SEMA4D: variants seen among roughly 807,000 people sequenced by gnomAD.
SEMA4D encodes the protein semaphorin 4D.
SEMA4D carries 22 observed loss-of-function variants against 74.8 expected under a neutral mutation model. That is an observed-to-expected ratio of 0.29 (90% CI 0.21 to 0.42). The LOEUF (loss-of-function observed/expected upper bound fraction) is 0.42, where lower values mean the gene tolerates loss of function less well. Among genes scored for constraint, SEMA4D ranks in the 10% least tolerant of loss-of-function variants. The pLI is 1.00. For synonymous variants in SEMA4D, 445 were observed against 463.7 expected (o/e 0.96, Z 0.52); for missense variants, 937 against 1,118.4 (o/e 0.84, Z 2.31).
chr9:89,494,800 A>C (rs1287036077), intron 1 of SEMA4D, among the ~76,000 whole-genome samples: 1 of 151,974 alleles, frequency 6.6e-6, no homozygotes, highest in African/African-American at 2.4e-5. Context: ...CCCACCCCAC[A>C]CTAATCTGAG....
intron 2 of SEMA4D, among the ~76,000 whole-genome samples, chr9:89,435,399 G>A (rs976857049): frequency 3.9e-5 from 6 of 152,090 alleles, no homozygotes; most frequent in East Asian, 1.9e-4. Flanking sequence ...ATTCTAGTCC[G>A]AGGACTGGCC....
At position 89,450,659 on chromosome 9, in the gene SEMA4D, G is replaced by GAAAAAAA. The variant is rs1564832883; in HGVS notation, c.-244+5228_-244+5229insTTTTTTT. The GAAAAAAA allele has an allele frequency of 2.7e-3, 1,154 of 420,570 alleles. 256 individuals carry two copies. Among genetic ancestry groups the GAAAAAAA allele is most frequent in the South Asian group, 5.2e-3 (207 of 40,058 alleles). The allele number at this position is 420,570 out of a possible 1,614,324, so 26.1% of individuals were successfully genotyped here. A position where few individuals can be genotyped will look rare whatever the true frequency, so the allele number is the denominator to read the frequency against. On this transcript the variant is annotated intron_variant, in intron 2 of 15. Coordinates refer to ENST00000422704, the MANE Select transcript of SEMA4D (RefSeq NM_001371194.2). ...AGAGTTCTGCAAGTCGAAAAACCCA[G>GAAAAAAA]GAAAAAAAAAAAAAAAAAAAAAAAA...
intron 16 of SEMA4D, among the ~76,000 whole-genome samples, chr9:89,370,545 AG>A (rs1834419407): frequency 7.5e-6 from 1 of 134,102 alleles, no homozygotes; most frequent in Non-Finnish European, 1.6e-5. Flanking sequence ...ATGTGGTGTG[AG>A]GGGGTGTGGT....
intron 1 of SEMA4D, among the ~76,000 whole-genome samples, chr9:89,462,965 C>CGAGGGGAGGGGAGCGAGCGAGGG: frequency 3.7e-5 from 1 of 26,764 alleles, no homozygotes; most frequent in East Asian, 5.2e-4. Context: ...GGGGAGCGAG[C>CGAGGGGAGGGGAGCGAGCGAGGG]GAGGGGAGGG....
intron 2 of SEMA4D, among the ~76,000 whole-genome samples, chr9:89,434,146 C>T (rs1055805835): frequency 2.0e-5 from 3 of 152,210 alleles, no homozygotes; most frequent in East Asian, 3.9e-4. Context: ...ACCTCAGCCC[C>T]GGAGCAGCAG....
At chr9:89,411,251 G>T (rs935007702) in intron 2 of SEMA4D, among the ~76,000 whole-genome samples, 2 of 152,216 alleles carry the variant, frequency 1.3e-5, no homozygotes, top group East Asian at 1.9e-4. Flanking sequence ...ATTAGAAAAT[G>T]AAGTTATTAA....
At chr9:89,427,996 C>A (rs1848463238) in intron 2 of SEMA4D, among the ~76,000 whole-genome samples, 1 of 152,224 alleles carries the variant, frequency 6.6e-6, no homozygotes, top group South Asian at 2.1e-4. Context: ...ACTAGGGTGA[C>A]CACCTGTGGA....
intron 2 of SEMA4D, chr9:89,418,074 G>A: frequency 1.0e-6 from 1 of 984,816 alleles, no homozygotes; most frequent in Non-Finnish European, 1.2e-6. Context: ...TATGCCTCTT[G>A]AAACTTTCCA....
At chr9:89,485,292 A>G (rs1477641233) in intron 1 of SEMA4D, among the ~76,000 whole-genome samples, 1 of 152,220 alleles carries the variant, frequency 6.6e-6, no homozygotes, top group East Asian at 1.9e-4. Flanking sequence ...AGATTTTCAA[A>G]GAGTGACCAA....
chr9:89,456,661 A>G (rs913829371), intron 1 of SEMA4D, among the ~76,000 whole-genome samples: 8 of 152,038 alleles, frequency 5.3e-5, no homozygotes, highest in Admixed American at 3.3e-4. Flanking sequence ...GCTCACTGTA[A>G]CCTCCACCTC....
At chr9:89,447,828 T>C (rs1011742474) in intron 2 of SEMA4D, among the ~76,000 whole-genome samples, 1 of 151,460 alleles carries the variant, frequency 6.6e-6, no homozygotes, top group Non-Finnish European at 1.5e-5. Context: ...GACTTGCTCC[T>C]ATCTGTCTCA....
intron 1 of SEMA4D, among the ~76,000 whole-genome samples, chr9:89,481,588 G>T (rs1824694712): frequency 6.6e-6 from 1 of 152,246 alleles, no homozygotes. Context: ...ACCCGTGGCG[G>T]ATATAAATGT....
At chr9:89,464,778 G>T (rs1419367603) in intron 1 of SEMA4D, among the ~76,000 whole-genome samples, 1 of 151,972 alleles carries the variant, frequency 6.6e-6, no homozygotes, top group African/African-American at 2.4e-5. Context: ...GGTTGCAGGG[G>T]TCCCCCGCCT....
chr9:89,397,441 G>GGGT (rs1197391245), intron 5 of SEMA4D, among the ~76,000 whole-genome samples: 18 of 152,210 alleles, frequency 1.2e-4, no homozygotes, highest in African/African-American at 4.3e-4. Flanking sequence ...TCCCAGTCCA[G>GGGT]CCCCCATGGG....
intron 1 of SEMA4D, 57 bp downstream of exon 1, chr9:89,497,862 C>G (rs1347836417): frequency 6.6e-6 from 1 of 151,444 alleles, no homozygotes; most frequent in Non-Finnish European, 1.5e-5. Context: ...CAGGCCGCCC[C>G]CAGCGCACCT....
In SEMA4D at chr9:89,405,556, A is replaced by G. The variant is rs1267932280; in HGVS notation, c.-100T>C. 3 of 1,531,932 alleles carry G rather than the reference A, an allele frequency of 2.0e-6. No homozygotes were observed. Among genetic ancestry groups the G allele is most frequent in the Admixed American group, 1.9e-5 (1 of 51,692 alleles). 94.9% of individuals were successfully genotyped at this position (1,531,932 alleles called of 1,614,324 possible). ...AGATGCGGCTCAGCGCCCCAGGACC[A>G]GGGCCAGCAGCACAGCCTGGAGCTC... On this transcript the variant is annotated 5_prime_UTR_variant, in exon 3 of 16. Coordinates refer to ENST00000422704, the MANE Select transcript of SEMA4D (RefSeq NM_001371194.2).
chr9:89,403,364 G>A (rs1407529125), intron 3 of SEMA4D, among the ~76,000 whole-genome samples: 4 of 152,192 alleles, frequency 2.6e-5, no homozygotes, highest in Non-Finnish European at 5.9e-5. Context: ...TGCTTCCTGT[G>A]ATGGCTCCCA....
At chr9:89,394,142 T>C (rs1057282560) in intron 6 of SEMA4D, among the ~76,000 whole-genome samples, 1 of 152,190 alleles carries the variant, frequency 6.6e-6, no homozygotes, top group Non-Finnish European at 1.5e-5. Context: ...ACACTCCAGA[T>C]GGATCAACCA....
rs76658911 is a variant in SEMA4D at position 89,384,818 on chromosome 9, G to T, written c.1446+1549C>A. ...GAGCCTGATGGGGTCAGGCGGCACAGTCTTTTTACCACTGAACAGCCACTT... is the reference window on the plus strand; with the variant it reads ...GAGCCTGATGGGGTCAGGCGGCACATTCTTTTTACCACTGAACAGCCACTT... On this transcript the variant is annotated intron_variant, in intron 13 of 15. Transcript: ENST00000422704. 6,356 of 985,364 alleles carry T rather than the reference G, an allele frequency of 6.5e-3. 161 individuals carry two copies. The East Asian group carries it at 0.097, about 15-fold the overall frequency. The allele number at this position is 985,364 out of a possible 1,614,324, so 61.0% of individuals were successfully genotyped here.
Sources: allele counts gnomAD v4.1 joint callset (sites outside exome capture counted in the v4.1 genomes callset), GRCh38; gene constraint gnomAD v4.1.1; transcripts MANE v1.5; gene names NCBI Gene and HGNC (gene_info 2026-07-23, HGNC 2026-07-21).